The following PTPRT variants were observed in gnomAD, a reference collection of about 807,000 sequenced individuals.
PTPRT encodes the protein receptor-type tyrosine-protein phosphatase T.
Under a neutral mutation model 176.8 loss-of-function variants are expected in PTPRT, and 56 were observed. The ratio of observed to expected loss-of-function variants is 0.32; its 90% CI spans 0.26 to 0.40. The LOEUF is 0.40. Among genes scored for constraint, PTPRT ranks in the 10% least tolerant of loss-of-function variants. The pLI, the probability that PTPRT is intolerant of heterozygous loss-of-function variation, is 1.00. For missense variants in PTPRT, 1,540 were observed against 1,908.2 expected, an observed-to-expected ratio of 0.81 and a Z score of 3.60; for synonymous variants, 783 against 739.0, an observed-to-expected ratio of 1.06 and a Z score of -0.96.
intron 1 of PTPRT, among the ~76,000 whole-genome samples, chr20:42,911,164 T>A (rs372047353): frequency 3.3e-5 from 5 of 150,990 alleles, no homozygotes; most frequent in South Asian, 4.1e-4. Context: ...ACTTTTTTTT[T>A]AAATCATGGT....
At chr20:42,955,833 G>A (rs1204600058) in intron 1 of PTPRT, among the ~76,000 whole-genome samples, 4 of 129,896 alleles carry the variant, frequency 3.1e-5, no homozygotes, top group Admixed American at 8.0e-5. Context: ...GGGAGTGAGG[G>A]AGAAGGAGGG....
chr20:42,441,126 C>A (rs59999523), intron 9 of PTPRT, among the ~76,000 whole-genome samples: 1 of 152,224 alleles, frequency 6.6e-6, no homozygotes, highest in Non-Finnish European at 1.5e-5. Flanking sequence ...GACCCATACC[C>A]TCACGAGGGT....
intron 16 of PTPRT, 112 bp from the exon 17 acceptor site, chr20:42,161,654 C>T: frequency 9.9e-7 from 1 of 1,011,588 alleles, no homozygotes; most frequent in South Asian, 1.7e-5. Context: ...ACTTGGGACT[C>T]AACTGATAGG....
chr20:42,663,970 G>T (rs2075269913), intron 7 of PTPRT, among the ~76,000 whole-genome samples: 1 of 152,032 alleles, frequency 6.6e-6, no homozygotes, highest in African/African-American at 2.4e-5. Context: ...TGATTATTTT[G>T]CTAGAAAAAA....
chr20:42,716,469 T>C (rs944458131), intron 6 of PTPRT, among the ~76,000 whole-genome samples: 1 of 152,250 alleles, frequency 6.6e-6, no homozygotes, highest in Non-Finnish European at 1.5e-5. Context: ...GGTATCTCAT[T>C]GTGGCTTTGA....
In PTPRT at chr20:42,533,705, C is replaced by CT. The variant is rs567571684; in HGVS notation, c.1154-61144dup. On this transcript the variant is annotated intron_variant, in intron 7 of 30. Transcript: ENST00000373187. ...AAGGGTGACAGTGAGAATTAAATGC[C>CT]TTAATAAATACAAGATGCCTTGAGG... 3.9e-5 allele frequency among the ~76,000 whole-genome samples: 6 copies of CT among 152,300 alleles called. No individual in the cohort carries two copies. In the South Asian group the frequency reaches 1.2e-3, roughly 32 times the overall value.
intron 1 of PTPRT, among the ~76,000 whole-genome samples, chr20:42,907,976 A>T (rs1180807498): frequency 2.6e-5 from 4 of 152,054 alleles, no homozygotes; most frequent in Non-Finnish European, 5.9e-5. Flanking sequence ...GTTCCTGGGT[A>T]CCCCACCAAG....
At chr20:42,374,404 C>T (rs184191527) in intron 9 of PTPRT, among the ~76,000 whole-genome samples, 3 of 152,074 alleles carry the variant, frequency 2.0e-5, no homozygotes, top group African/African-American at 7.2e-5. Context: ...TTTAAACACG[C>T]AAGTAAATGA....
chr20:43,076,803 T>C (rs146078988), intron 1 of PTPRT, among the ~76,000 whole-genome samples: 12 of 152,326 alleles, frequency 7.9e-5, no homozygotes, highest in African/African-American at 2.9e-4. Context: ...CAAAGGTCCC[T>C]GGGTCTCTAT....
intron 6 of PTPRT, among the ~76,000 whole-genome samples, chr20:42,710,829 G>A (rs889969221): frequency 6.6e-6 from 1 of 152,260 alleles, no homozygotes; most frequent in African/African-American, 2.4e-5. Flanking sequence ...CAACCCATGA[G>A]AGCAGCCACA....
At chr20:42,562,342 A>G (rs1261428326) in intron 7 of PTPRT, among the ~76,000 whole-genome samples, 1 of 152,202 alleles carries the variant, frequency 6.6e-6, no homozygotes, top group South Asian at 2.1e-4. Context: ...TGTCATATAT[A>G]TGGAATCCTA....
chr20:42,223,514 G>A (rs1349010161), intron 15 of PTPRT, among the ~76,000 whole-genome samples: 3 of 152,172 alleles, frequency 2.0e-5, no homozygotes, highest in African/African-American at 7.2e-5. Flanking sequence ...ACGCCCTTAA[G>A]GAATGAAAGA....
intron 2 of PTPRT, among the ~76,000 whole-genome samples, chr20:42,831,574 T>C (rs1569180768): frequency 6.6e-6 from 1 of 152,054 alleles, no homozygotes; most frequent in Non-Finnish European, 1.5e-5. Context: ...AAATAAACTA[T>C]CAACAGAGTA....
chr20:42,118,108 T>C (rs1445666980), intron 21 of PTPRT, among the ~76,000 whole-genome samples: 2 of 152,196 alleles, frequency 1.3e-5, no homozygotes, highest in Non-Finnish European at 2.9e-5. Context: ...CAGTTGTAGA[T>C]ACAAGTAGGA....
At chr20:42,033,500 G>A in the PTPRT span, among the ~76,000 whole-genome samples, 1 of 152,098 alleles carries the variant, frequency 6.6e-6, no homozygotes, top group African/African-American at 2.4e-5. Context: ...TCATGGATGT[G>A]GAAAATGGAG....
intron 1 of PTPRT, among the ~76,000 whole-genome samples, chr20:42,971,686 C>T (rs531881827): frequency 2.6e-5 from 4 of 152,162 alleles, no homozygotes; most frequent in South Asian, 2.1e-4. Context: ...AAATATTCCC[C>T]AACTCCCCTA....
intron 7 of PTPRT, among the ~76,000 whole-genome samples, chr20:42,501,618 T>G (rs1234700285): frequency 6.6e-6 from 1 of 152,178 alleles, no homozygotes; most frequent in Non-Finnish European, 1.5e-5. Context: ...GTCTATGCTG[T>G]TTTAGCACCT....
chr20:42,388,295 A>G (rs896396666), intron 9 of PTPRT, among the ~76,000 whole-genome samples: 1 of 152,252 alleles, frequency 6.6e-6, no homozygotes, highest in Admixed American at 6.5e-5. Flanking sequence ...TAAACTAAAG[A>G]GCTTCTGCAC....
chr20:42,399,838 T>G (rs950966380), intron 9 of PTPRT, among the ~76,000 whole-genome samples: 2 of 152,262 alleles, frequency 1.3e-5, no homozygotes, highest in East Asian at 3.8e-4. Context: ...AGCCACCATT[T>G]ACATCACTTT....
Sources: gnomAD v4.1 joint callset for allele counts (sites outside exome capture counted in the v4.1 genomes callset) on GRCh38, gnomAD v4.1.1 for gene constraint, MANE v1.5 for transcripts, NCBI Gene and HGNC (gene_info 2026-07-23, HGNC 2026-07-21) for gene names.